S100Z: variants seen among roughly 807,000 people sequenced by gnomAD.
S100Z encodes protein S100-Z.
S100Z carries 11 observed loss-of-function variants against 8.5 expected under a neutral mutation model. The observed-to-expected ratio is 1.30, with a 90% CI of 0.82 to 2.15. The LOEUF is 2.15. Among genes scored for constraint, S100Z ranks in the 30% most tolerant of loss-of-function variants. The pLI is 0.00. For synonymous variants in S100Z, 34 were observed against 43.8 expected, an observed-to-expected ratio of 0.78 and a Z score of 0.89; for missense variants, 126 against 117.9, an observed-to-expected ratio of 1.07 and a Z score of -0.32.
the S100Z span, among the ~76,000 whole-genome samples, chr5:76,951,969 C>A: frequency 6.6e-6 from 1 of 152,130 alleles, no homozygotes; most frequent in African/African-American, 2.4e-5. Context: ...CCATTCCTTC[C>A]TTTATAACTC....
Position 76,901,789 on chromosome 5 carries a change from A to G in S100Z, c.*3-18928A>G, listed in dbSNP as rs530343798. ...TCTCAGGCAGAAGGAACGTTGCTCC[A>G]TAGCCACCACAGCTGGGAATGTGCT... On this transcript the variant is annotated intron_variant, in intron 4 of 4. Coordinates refer to ENST00000317593, the MANE Select transcript of S100Z (RefSeq NM_130772.4). Among the ~76,000 whole-genome samples, 12 of 152,254 alleles carry G rather than the reference A, an allele frequency of 7.9e-5. No individual in the cohort carries two copies. In the South Asian group the frequency reaches 1.9e-3, roughly 24 times the overall value.
At chr5:76,884,179 A>G (rs1743516447) in intron 4 of S100Z, among the ~76,000 whole-genome samples, 1 of 152,224 alleles carries the variant, frequency 6.6e-6, no homozygotes, top group African/African-American at 2.4e-5. Context: ...AAAGTGTCTC[A>G]GGGTTGCTGC....
At chr5:76,928,324 T>A in the S100Z span, among the ~76,000 whole-genome samples, 2 of 152,228 alleles carry the variant, frequency 1.3e-5, no homozygotes, top group South Asian at 4.1e-4. Flanking sequence ...ATTTGTTTGC[T>A]TCCTGAATAA....
Position 76,892,234 on chromosome 5 carries a change from A to C in S100Z, c.*2+14400A>C, listed in dbSNP as rs1318183452. ...GGTCCAGCCCAGACTTGGCAGAACA[A>C]GAGTTTTATGCATCCTACTCTTTCA... On this transcript the variant is annotated intron_variant, in intron 4 of 4. Coordinates refer to ENST00000317593, the MANE Select transcript of S100Z (RefSeq NM_130772.4). Among the ~76,000 whole-genome samples, 3 of 152,292 alleles carry C rather than the reference A, an allele frequency of 2.0e-5. No individual in the cohort carries two copies. In the South Asian group the frequency reaches 6.2e-4, roughly 32 times the overall value.
At chr5:76,908,526 G>A (rs928597829) in intron 4 of S100Z, among the ~76,000 whole-genome samples, 1 of 152,142 alleles carries the variant, frequency 6.6e-6, no homozygotes, top group Non-Finnish European at 1.5e-5. Context: ...TCAGGACTCT[G>A]TTACCTCCTT....
At chr5:76,916,285 T>C (rs1744852704) in intron 4 of S100Z, among the ~76,000 whole-genome samples, 1 of 151,652 alleles carries the variant, frequency 6.6e-6, no homozygotes, top group Admixed American at 6.6e-5. Flanking sequence ...CTACAAAATA[T>C]GTAAAGCAAA....
chr5:76,940,705 G>C, the S100Z span, among the ~76,000 whole-genome samples: 2 of 152,176 alleles, frequency 1.3e-5, no homozygotes, highest in Non-Finnish European at 2.9e-5. Flanking sequence ...GAGCCAACAT[G>C]CCCAGCCTCA....
At chr5:76,936,159 A>G in the S100Z span, among the ~76,000 whole-genome samples, 1 of 152,320 alleles carries the variant, frequency 6.6e-6, no homozygotes, top group East Asian at 1.9e-4. Context: ...GTTTATTAAT[A>G]GGGAATTGAT....
the S100Z span, among the ~76,000 whole-genome samples, chr5:76,931,792 G>T: frequency 1.1e-3 from 147 of 139,964 alleles, 1 homozygote; most frequent in African/African-American, 3.6e-3. Flanking sequence ...GAACATTTGG[G>T]TTTTTTTTAT....
chr5:76,940,385 A>G, the S100Z span, among the ~76,000 whole-genome samples: 1 of 150,514 alleles, frequency 6.6e-6, no homozygotes, highest in Non-Finnish European at 1.5e-5. Flanking sequence ...GTGAATGTGA[A>G]TGGAATTAAG....
In S100Z at chr5:76,862,069, T is replaced by C. The variant is rs571401915; in HGVS notation, c.-175-8097T>C. On this transcript the variant is annotated intron_variant, in intron 1 of 4. Transcript: ENST00000317593. ...TGCCATGAAATTACTTCTCTTCTTC[T>C]GGTGAAATAATTCCAGTTTTGTTAC... Among the ~76,000 whole-genome samples, 10 of 152,240 alleles carry C rather than the reference T, an allele frequency of 6.6e-5. No homozygotes were observed. In the East Asian group the frequency reaches 1.9e-3, roughly 29 times the overall value.
chr5:76,881,634 G>A (rs760917473), intron 4 of S100Z, among the ~76,000 whole-genome samples: 10 of 152,112 alleles, frequency 6.6e-5, no homozygotes, highest in African/African-American at 1.7e-4. Flanking sequence ...ATGAAATGAC[G>A]ATAGACTAGA....
chr5:76,869,630 G>T (rs571776265), intron 1 of S100Z, among the ~76,000 whole-genome samples: 3 of 152,138 alleles, frequency 2.0e-5, no homozygotes, highest in Non-Finnish European at 4.4e-5. Flanking sequence ...AAAGTAGAAA[G>T]AGCAGTAAGG....
intron 4 of S100Z, among the ~76,000 whole-genome samples, chr5:76,884,151 C>T (rs193002616): frequency 6.6e-4 from 100 of 152,300 alleles, no homozygotes; most frequent in African/African-American, 2.4e-3. Context: ...CTTCTGGCCC[C>T]TCTGGGTCTA....
At chr5:76,939,620 C>T in the S100Z span, among the ~76,000 whole-genome samples, 1 of 150,258 alleles carries the variant, frequency 6.7e-6, no homozygotes, top group African/African-American at 2.5e-5. Flanking sequence ...TCAAGCAATT[C>T]TCCTGCCTCA....
At chr5:76,858,187 C>T (rs1433480758) in intron 1 of S100Z, among the ~76,000 whole-genome samples, 1 of 152,194 alleles carries the variant, frequency 6.6e-6, no homozygotes, top group Non-Finnish European at 1.5e-5. Context: ...CTTCTCTTGC[C>T]AGTCCAGTCA....
At chr5:76,864,260 A>G (rs1751180317) in intron 1 of S100Z, among the ~76,000 whole-genome samples, 1 of 152,070 alleles carries the variant, frequency 6.6e-6, no homozygotes, top group Non-Finnish European at 1.5e-5. Flanking sequence ...CAATACTTAC[A>G]TGTCTGGGGC....
intron 4 of S100Z, among the ~76,000 whole-genome samples, chr5:76,882,240 G>A (rs1743425848): frequency 6.6e-6 from 1 of 152,166 alleles, no homozygotes; most frequent in African/African-American, 2.4e-5. Context: ...AAAGTATTAA[G>A]GCAGCGGCAG....
rs996986166 is a variant in S100Z at position 76,921,465 on chromosome 5, G to C, written c.*751G>C. ...AGGTAACAGAGATAGAACTAGGCAC[G>C]ATTTTCTATTCTTCTTTCCTTCCTT... On this transcript the variant is annotated 3_prime_UTR_variant, in exon 5 of 5. Transcript: ENST00000317593. 1.3e-5 allele frequency: 2 copies of C among 152,140 alleles called. No homozygotes were observed. Among genetic ancestry groups the C allele is most frequent in the African/African-American group, 2.4e-5 (1 of 41,446 alleles). The allele number at this position is 152,140 out of a possible 1,614,324, so 9.4% of individuals were successfully genotyped here.
Sources: gnomAD v4.1 joint callset for allele counts (sites outside exome capture counted in the v4.1 genomes callset) on GRCh38, gnomAD v4.1.1 for gene constraint, MANE v1.5 for transcripts, NCBI Gene and HGNC (gene_info 2026-07-23, HGNC 2026-07-21) for gene names.